The following CAMK1D variants were observed in gnomAD, a reference collection of about 807,000 sequenced individuals.
The protein encoded by CAMK1D is calcium/calmodulin-dependent protein kinase type 1D.
CAMK1D carries 9 observed loss-of-function variants against 47.7 expected under a neutral mutation model. The observed-to-expected ratio is 0.19, with a 90% CI of 0.11 to 0.33. The LOEUF is 0.33. Among genes scored for constraint, CAMK1D ranks in the 10% least tolerant of loss-of-function variants. The pLI is 1.00. For synonymous variants in CAMK1D, 184 were observed against 184.9 expected (o/e 0.99, Z 0.04); for missense variants, 291 against 488.7 (o/e 0.60, Z 3.81).
chr10:12,805,152 G>A (rs1331975277), intron 6 of CAMK1D, among the ~76,000 whole-genome samples: 3 of 150,146 alleles, frequency 2.0e-5, no homozygotes, highest in Admixed American at 1.3e-4. Flanking sequence ...CCAGCTACTC[G>A]GGAGGCTGAG....
At chr10:12,629,528 A>C (rs956673440) in intron 2 of CAMK1D, among the ~76,000 whole-genome samples, 1 of 152,100 alleles carries the variant, frequency 6.6e-6, no homozygotes, top group Non-Finnish European at 1.5e-5. Context: ...ACAGGGAGCA[A>C]AGTTAGAGGC....
intron 3 of CAMK1D, among the ~76,000 whole-genome samples, chr10:12,695,937 G>T (rs1394177905): frequency 6.6e-6 from 1 of 151,844 alleles, no homozygotes; most frequent in African/African-American, 2.4e-5. Flanking sequence ...AATTAGCTGG[G>T]CCTGGTGGCG....
intron 1 of CAMK1D, among the ~76,000 whole-genome samples, chr10:12,495,921 G>A (rs530925744): frequency 6.6e-6 from 1 of 152,206 alleles, no homozygotes; most frequent in African/African-American, 2.4e-5. Context: ...TCTACCTCCT[G>A]GGTTCAAGTG....
intron 3 of CAMK1D, among the ~76,000 whole-genome samples, chr10:12,752,050 C>T (rs192039547): frequency 1.8e-4 from 28 of 151,600 alleles, no homozygotes; most frequent in South Asian, 6.3e-4. Flanking sequence ...GGCGCAATCT[C>T]GGCTCACCAC....
At chr10:12,362,280 C>T (rs1028093983) in intron 1 of CAMK1D, among the ~76,000 whole-genome samples, 3 of 152,082 alleles carry the variant, frequency 2.0e-5, no homozygotes, top group East Asian at 1.9e-4. Flanking sequence ...TGATACACAC[C>T]GTTCCACCAT....
chr10:12,548,843 T>C (rs1379662148), intron 1 of CAMK1D, among the ~76,000 whole-genome samples: 2 of 151,926 alleles, frequency 1.3e-5, no homozygotes, highest in African/African-American at 4.8e-5. Context: ...ACCCCATGCA[T>C]CTCCAGAAAC....
chr10:12,723,032 A>C (rs1267675098), intron 3 of CAMK1D, among the ~76,000 whole-genome samples: 2 of 152,212 alleles, frequency 1.3e-5, no homozygotes, highest in African/African-American at 4.8e-5. Flanking sequence ...TCCGGAGTCC[A>C]CATGGGAGGA....
rs79712929 is a variant in CAMK1D at position 12,494,986 on chromosome 10, G to T, written c.93-58239G>T. Among the ~76,000 whole-genome samples the T allele has an allele frequency of 2.5e-3, 388 of 152,248 alleles. 6 individuals carry two copies. The highest frequency in any genetic ancestry group is 9.0e-3 in the African/African-American group (375 of 41,532). ...ACAGCTGATTCTAAACGAGATCACTGCGGTCAGAGAGGCTCAGACATGGAC... is the reference window on the plus strand; with the variant it reads ...ACAGCTGATTCTAAACGAGATCACTTCGGTCAGAGAGGCTCAGACATGGAC... On this transcript the variant is annotated intron_variant, in intron 1 of 10. Coordinates refer to ENST00000619168, the MANE Select transcript of CAMK1D (RefSeq NM_153498.4).
chr10:12,751,084 AAG>A (rs1564535422), intron 3 of CAMK1D, among the ~76,000 whole-genome samples: 2 of 83,546 alleles, frequency 2.4e-5, no homozygotes, highest in Non-Finnish European at 4.8e-5. Context: ...AAGATAAGAT[AAG>A]ATAAGATAAG....
At chr10:12,691,649 T>G (rs906439263) in intron 3 of CAMK1D, among the ~76,000 whole-genome samples, 3 of 151,624 alleles carry the variant, frequency 2.0e-5, no homozygotes, top group Non-Finnish European at 4.4e-5. Context: ...TTGGCCAGGC[T>G]GGTCTCTTGG....
chr10:12,557,813 A>G (rs897568056), intron 2 of CAMK1D, among the ~76,000 whole-genome samples: 1 of 152,200 alleles, frequency 6.6e-6, no homozygotes, highest in East Asian at 1.9e-4. Flanking sequence ...GGGGACTGCT[A>G]AGCCGGCCCA....
intron 2 of CAMK1D, among the ~76,000 whole-genome samples, chr10:12,610,003 A>G (rs1838573845): frequency 6.6e-6 from 1 of 152,180 alleles, no homozygotes; most frequent in African/African-American, 2.4e-5. Flanking sequence ...AGTGGTAGAG[A>G]AACAGCCCAG....
intron 1 of CAMK1D, among the ~76,000 whole-genome samples, chr10:12,461,045 C>G (rs1430953554): frequency 6.6e-6 from 1 of 152,194 alleles, no homozygotes; most frequent in Non-Finnish European, 1.5e-5. Context: ...ACTCTGCCTC[C>G]TCAATTCACC....
chr10:12,640,199 C>T (rs1839628324), intron 2 of CAMK1D, among the ~76,000 whole-genome samples: 1 of 152,120 alleles, frequency 6.6e-6, no homozygotes, highest in African/African-American at 2.4e-5. Context: ...GAGTCTGTTT[C>T]TCCAAATTTC....
At chr10:12,797,996 G>T (rs766836131) in intron 6 of CAMK1D, among the ~76,000 whole-genome samples, 59 of 152,252 alleles carry the variant, frequency 3.9e-4, no homozygotes, top group Non-Finnish European at 6.5e-4. Flanking sequence ...ATGGTGAGGG[G>T]AGCAACTCCC....
At chr10:12,593,850 G>T (rs375662820) in intron 2 of CAMK1D, among the ~76,000 whole-genome samples, 6 of 152,124 alleles carry the variant, frequency 3.9e-5, no homozygotes, top group African/African-American at 1.4e-4. Flanking sequence ...GGCAGTTTTT[G>T]TGCTGGATTG....
At chr10:12,386,156 G>A (rs2131880513) in intron 1 of CAMK1D, among the ~76,000 whole-genome samples, 1 of 152,306 alleles carries the variant, frequency 6.6e-6, no homozygotes, top group Admixed American at 6.5e-5. Flanking sequence ...AGCTCAAATA[G>A]AGCCAAGCGT....
rs189583207 is a variant in CAMK1D, at chr10:12,440,743, A to T, written c.92+90833A>T. On this transcript the variant is annotated intron_variant, in intron 1 of 10. Coordinates refer to ENST00000619168, the MANE Select transcript of CAMK1D (RefSeq NM_153498.4). ...AGTGCTCAGGCCTTGGGCAACACAC[A>T]GGTGATAAAACATGGTTCCTGTCCT... Among the ~76,000 whole-genome samples, 14 of 152,370 alleles carry T rather than the reference A, an allele frequency of 9.2e-5. No individual in the cohort carries two copies. In the East Asian group the frequency reaches 2.5e-3, roughly 27 times the overall value.
At chr10:12,462,246 A>G (rs1452341268) in intron 1 of CAMK1D, among the ~76,000 whole-genome samples, 2 of 138,834 alleles carry the variant, frequency 1.4e-5, no homozygotes, top group African/African-American at 5.4e-5. Flanking sequence ...GCTCACTGCA[A>G]CCTTCGCCTC....
Sources: gnomAD v4.1 joint callset for allele counts (sites outside exome capture counted in the v4.1 genomes callset) on GRCh38, gnomAD v4.1.1 for gene constraint, MANE v1.5 for transcripts, NCBI Gene and HGNC (gene_info 2026-07-23, HGNC 2026-07-21) for gene names.